Variants in DHRS7B observed in about 807,000 individuals in gnomAD.
The protein encoded by DHRS7B is dehydrogenase/reductase 7B, also known as peroxisomal reductase activating PPAR-gamma.
A neutral mutation model predicts 26.4 loss-of-function variants in DHRS7B; 24 were observed. That is an observed-to-expected ratio of 0.91 (90% CI 0.66 to 1.28). The LOEUF (loss-of-function observed/expected upper bound fraction) is 1.28, where lower values mean the gene tolerates loss of function less well. Ranked by LOEUF, DHRS7B falls within the 50% of genes most tolerant of loss-of-function variation. The probability of loss-of-function intolerance (pLI) is 0.00; values close to 1 mark genes in which losing one functional copy is unlikely to be tolerated. For synonymous variants in DHRS7B, 142 were observed against 166.4 expected (o/e 0.85, Z 1.13); for missense variants, 368 against 419.4 (o/e 0.88, Z 1.07).
intron 1 of DHRS7B, among the ~76,000 whole-genome samples, chr17:21,165,777 G>A (rs1441015252): frequency 6.6e-6 from 1 of 152,042 alleles, no homozygotes; most frequent in Non-Finnish European, 1.5e-5. Context: ...TTAGCCAGGT[G>A]TGGTGGCGTG....
intron 1 of DHRS7B, among the ~76,000 whole-genome samples, chr17:21,133,741 C>T (rs536518930): frequency 5.3e-5 from 8 of 152,084 alleles, no homozygotes; most frequent in Non-Finnish European, 1.0e-4. Flanking sequence ...TTAGTTAGGT[C>T]CTGAAAGCTC....
chr17:21,150,027 G>C (rs147476986), intron 1 of DHRS7B, among the ~76,000 whole-genome samples: 1 of 150,378 alleles, frequency 6.6e-6, no homozygotes, highest in Non-Finnish European at 1.5e-5. Flanking sequence ...GGGAGGCTGA[G>C]GTGGGAGGAT....
chr17:21,187,407 C>T (rs1248520844), intron 5 of DHRS7B, among the ~76,000 whole-genome samples: 2 of 151,694 alleles, frequency 1.3e-5, no homozygotes, highest in East Asian at 1.9e-4. Flanking sequence ...CGGTGCATCA[C>T]GAGGTCAGTA....
intron 1 of DHRS7B, among the ~76,000 whole-genome samples, chr17:21,142,842 G>A (rs1247895108): frequency 1.3e-5 from 2 of 149,356 alleles, no homozygotes; most frequent in African/African-American, 5.2e-5. Flanking sequence ...GAATAGAATA[G>A]GTAGATTTGT....
At position 21,184,390 on chromosome 17, in the gene DHRS7B, C is replaced by G; in HGVS notation, c.546C>G (p.Ile182Met). The change falls in exon 5 of 7, where the codon ATC (isoleucine) becomes ATG (methionine). Residue 182 changes from isoleucine (I) to methionine (M), a missense_variant. By Grantham distance (10) the Ile-to-Met change is conservative. Transcript: ENST00000395511. ...ALTKALLPSM[I>M]KRRQGHIVAI... is the part of the protein sequence containing the mutation. ...CCTCAGCACTCCTGCCCTCCATGAT[C>G]AAGAGGAGGCAAGGCCACATTGTCG... 6.2e-7 allele frequency: 1 copy of G among 1,614,196 alleles called. No homozygotes were observed. The highest frequency in any genetic ancestry group is 8.5e-7 in the Non-Finnish European group (1 of 1,180,036).
At chr17:21,138,406 G>A (rs1973415046) in intron 1 of DHRS7B, among the ~76,000 whole-genome samples, 1 of 150,932 alleles carries the variant, frequency 6.6e-6, no homozygotes, top group East Asian at 2.0e-4. Flanking sequence ...TCTATTTTTA[G>A]TAGAGATGGG....
At chr17:21,132,550 C>CAA (rs1053748217) in intron 1 of DHRS7B, among the ~76,000 whole-genome samples, 4 of 98,086 alleles carry the variant, frequency 4.1e-5, no homozygotes, top group Middle Eastern at 4.3e-3. Flanking sequence ...AAAAAAAAAA[C>CAA]AAAAAAAAAA....
At chr17:21,156,991 A>G (rs780766260) in intron 1 of DHRS7B, among the ~76,000 whole-genome samples, 2 of 152,166 alleles carry the variant, frequency 1.3e-5, no homozygotes, top group African/African-American at 2.4e-5. Context: ...AATTCCATGA[A>G]AAGACAATCT....
intron 1 of DHRS7B, among the ~76,000 whole-genome samples, chr17:21,131,562 T>A (rs1384286269): frequency 6.6e-6 from 1 of 152,202 alleles, no homozygotes; most frequent in Non-Finnish European, 1.5e-5. Context: ...ATCAGCAAGG[T>A]CTTTCTGACC....
At chr17:21,171,942 A>G (rs777041836) in intron 1 of DHRS7B, 76 bp from the exon 2 acceptor site, 3 of 1,563,844 alleles carry the variant, frequency 1.9e-6, no homozygotes, top group Non-Finnish European at 2.6e-6. Context: ...TTCATATCAG[A>G]TGAGAGGAAG....
At chr17:21,172,264 T>C in intron 2 of DHRS7B, 68 bp downstream of exon 2, 2 of 1,538,550 alleles carry the variant, frequency 1.3e-6, no homozygotes, top group Non-Finnish European at 1.8e-6. Context: ...GCGGCCCAGC[T>C]GCACAGGGAC....
chr17:21,170,109 G>A (rs1179259960), intron 1 of DHRS7B, among the ~76,000 whole-genome samples: 1 of 151,922 alleles, frequency 6.6e-6, no homozygotes, highest in Non-Finnish European at 1.5e-5. Context: ...CTTGCCTTTT[G>A]TCAATTGCTG....
intron 1 of DHRS7B, among the ~76,000 whole-genome samples, chr17:21,138,103 C>CACACACAA (rs1555536224): frequency 5.0e-4 from 65 of 128,728 alleles, no homozygotes; most frequent in African/African-American, 1.9e-3. Context: ...TATATATATA[C>CACACACAA]ACACACACAC....
At chr17:21,183,841 G>A in intron 4 of DHRS7B, 31 bp downstream of exon 4, 1 of 1,580,140 alleles carries the variant, frequency 6.3e-7, no homozygotes, top group Non-Finnish European at 8.7e-7. Flanking sequence ...GCAGTGATAA[G>A]TGATATGTTG....
chr17:21,176,842 G>A (rs1974389914), intron 2 of DHRS7B, among the ~76,000 whole-genome samples: 2 of 152,152 alleles, frequency 1.3e-5, no homozygotes, highest in Admixed American at 6.5e-5. Context: ...GGAGTTGGAA[G>A]TCTAGCTCAA....
chr17:21,168,918 A>G (rs12944701), intron 1 of DHRS7B: 352,119 of 984,752 alleles, frequency 0.36, 63,233 homozygotes, highest in South Asian at 0.41. Flanking sequence ...TCTTTTCTTC[A>G]TGTCATGGAT....
intron 1 of DHRS7B, among the ~76,000 whole-genome samples, chr17:21,147,021 A>T (rs1973656419): frequency 6.6e-6 from 1 of 152,224 alleles, no homozygotes; most frequent in South Asian, 2.1e-4. Flanking sequence ...TACTATGAAG[A>T]CATTTGGATA....
rs150550451 is a variant in DHRS7B, at chr17:21,136,545, T to TTTTG, written c.20+9574_20+9577dup. Reference sequence around the variant, plus strand: ...AAAAAAGAAAAGGTTTTGTGGGTTTTTTTGTTTGTTTGTTTGTTTGTTTTG... The same window carrying TTTTG: ...AAAAAAGAAAAGGTTTTGTGGGTTTTTTTGTTTGTTTGTTTGTTTGTTTGTTTTG... On this transcript the variant is annotated intron_variant, in intron 1 of 6. Coordinates refer to ENST00000395511, the MANE Select transcript of DHRS7B (RefSeq NM_015510.5). Among the ~76,000 whole-genome samples, 844 of 151,024 alleles carry TTTTG rather than the reference T, an allele frequency of 5.6e-3. 2 individuals carry two copies. Among genetic ancestry groups the TTTTG allele is most frequent in the East Asian group, 9.0e-3 (46 of 5,102 alleles).
At chr17:21,148,915 TAAC>T (rs1193152043) in intron 1 of DHRS7B, among the ~76,000 whole-genome samples, 3 of 151,926 alleles carry the variant, frequency 2.0e-5, no homozygotes, top group Non-Finnish European at 4.4e-5. Flanking sequence ...GTCTAAGAAA[TAAC>T]AACAGAAAAC....
Sources: gnomAD v4.1 joint callset for allele counts (sites outside exome capture counted in the v4.1 genomes callset) on GRCh38, gnomAD v4.1.1 for gene constraint, MANE v1.5 for transcripts, NCBI Gene and HGNC (gene_info 2026-07-23, HGNC 2026-07-21) for gene names.